Variants in NR6A1 observed in about 807,000 individuals in gnomAD.
NR6A1 encodes the protein nuclear receptor subfamily 6 group A member 1.
Under a neutral mutation model 59.1 loss-of-function variants are expected in NR6A1, and 7 were observed. The ratio of observed to expected loss-of-function variants is 0.12; its 90% CI spans 0.07 to 0.22. The LOEUF is 0.22. Ranked by LOEUF, NR6A1 falls within the 10% of genes least tolerant of loss-of-function variation. The pLI is 1.00. For missense variants in NR6A1, 468 were observed against 611.6 expected, an observed-to-expected ratio of 0.77 and a Z score of 2.48; for synonymous variants, 243 against 236.1, an observed-to-expected ratio of 1.03 and a Z score of -0.27.
chr9:124,594,735 T>C (rs1331947335), intron 2 of NR6A1, among the ~76,000 whole-genome samples: 3 of 152,158 alleles, frequency 2.0e-5, no homozygotes, highest in Admixed American at 1.3e-4. Context: ...AAGGGAGGAA[T>C]GAAGCCAAGG....
chr9:124,672,864 T>C (rs1332984797), intron 2 of NR6A1, among the ~76,000 whole-genome samples: 1 of 152,044 alleles, frequency 6.6e-6, no homozygotes, highest in Non-Finnish European at 1.5e-5. Flanking sequence ...GCAGACTTAA[T>C]GAATCTTAGT....
intron 1 of NR6A1, among the ~76,000 whole-genome samples, chr9:124,746,513 C>T (rs557667763): frequency 6.6e-6 from 1 of 152,070 alleles, no homozygotes; most frequent in South Asian, 2.1e-4. Context: ...CACTTGAACC[C>T]GGGAGGCAAA....
chr9:124,721,040 T>C (rs1046886881), intron 2 of NR6A1, among the ~76,000 whole-genome samples: 15 of 152,202 alleles, frequency 9.9e-5, no homozygotes, highest in African/African-American at 3.1e-4. Flanking sequence ...TACTGCAATA[T>C]TGCTCCCATG....
chr9:124,583,802 T>C (rs1834841408), intron 2 of NR6A1, among the ~76,000 whole-genome samples: 1 of 152,162 alleles, frequency 6.6e-6, no homozygotes, highest in Non-Finnish European at 1.5e-5. Flanking sequence ...GAGTGAGGCC[T>C]AACCTGATAG....
At position 124,718,151 on chromosome 9, in the gene NR6A1, G is replaced by C. The variant is rs138857519; in HGVS notation, c.142+15157C>G. On this transcript the variant is annotated intron_variant, in intron 2 of 9. Transcript: ENST00000487099. ...AGCAAGAAAGCAGGAAGGCCAGGAT[G>C]CTAACTTTCACTCATGTTTTTTCCA... Among the ~76,000 whole-genome samples, 460 of 152,330 alleles carry C rather than the reference G, an allele frequency of 3.0e-3. 3 individuals are homozygous for C. The highest frequency in any genetic ancestry group is 0.011 in the African/African-American group (441 of 41,568).
At chr9:124,692,476 A>C (rs1838584348) in intron 2 of NR6A1, 1 of 532,482 alleles carries the variant, frequency 1.9e-6, no homozygotes, top group Non-Finnish European at 3.9e-6. Context: ...AGAGGACTCC[A>C]AGGAACATTC....
At chr9:124,537,737 A>C (rs1354403557) in intron 6 of NR6A1, among the ~76,000 whole-genome samples, 2 of 152,056 alleles carry the variant, frequency 1.3e-5, no homozygotes, top group African/African-American at 2.4e-5. Context: ...GGGCTTTGTG[A>C]AGGAGCCTAT....
At chr9:124,633,597 T>C (rs1453761681) in intron 2 of NR6A1, among the ~76,000 whole-genome samples, 1 of 152,158 alleles carries the variant, frequency 6.6e-6, no homozygotes, top group East Asian at 1.9e-4. Flanking sequence ...CCCCTGGTAC[T>C]GTCACCAGCC....
chr9:124,698,349 C>A (rs1206008060), intron 2 of NR6A1: 4 of 152,036 alleles, frequency 2.6e-5, no homozygotes, highest in African/African-American at 9.7e-5. Context: ...GGCTGAAAAT[C>A]AGATGGAAGA....
chr9:124,637,261 GT>G (rs917140264), intron 2 of NR6A1, among the ~76,000 whole-genome samples: 2 of 152,170 alleles, frequency 1.3e-5, no homozygotes, highest in Admixed American at 1.3e-4. Context: ...ATTAGTAATT[GT>G]GTGTAGCTAG....
rs781348492 is a variant in NR6A1, at chr9:124,538,235, C to T, written c.681G>A (p.Pro227=). The change falls in exon 6 of 10, where the codon CCG becomes CCA. Residue 227 remains proline (P), a synonymous_variant. Coordinates refer to ENST00000487099, the MANE Select transcript of NR6A1 (RefSeq NM_033334.4). Reference sequence around the variant, plus strand: ...AGTGGCCAGAATAGCTAAAAAGGTGCGGTATATATTGGTAATGTGGAGGCA... The same window carrying T: ...AGTGGCCAGAATAGCTAAAAAGGTGTGGTATATATTGGTAATGTGGAGGCA... ...MSVPPHYQYI[P]HLFSYSGHSP... The T allele has an allele frequency of 2.0e-5, 33 of 1,614,048 alleles. No homozygotes were observed. The highest frequency in any genetic ancestry group is 4.0e-5 in the African/African-American group (3 of 74,988).
chr9:124,593,739 G>T (rs890994907), intron 2 of NR6A1, among the ~76,000 whole-genome samples: 1 of 152,168 alleles, frequency 6.6e-6, no homozygotes, highest in Non-Finnish European at 1.5e-5. Context: ...GCCAGGCAGG[G>T]GCTGTGCACA....
At chr9:124,753,468 T>C (rs983811750) in intron 1 of NR6A1, among the ~76,000 whole-genome samples, 1 of 152,078 alleles carries the variant, frequency 6.6e-6, no homozygotes, top group African/African-American at 2.4e-5. Context: ...TATTAGAAAA[T>C]GACAAAAATC....
At chr9:124,583,479 C>T (rs1027369356) in intron 2 of NR6A1, among the ~76,000 whole-genome samples, 1 of 152,172 alleles carries the variant, frequency 6.6e-6, no homozygotes, top group Non-Finnish European at 1.5e-5. Context: ...CAGAACTGTG[C>T]TTGTGCTCCT....
intron 1 of NR6A1, among the ~76,000 whole-genome samples, chr9:124,748,864 CAAA>C (rs533825423): frequency 1.0e-4 from 7 of 66,902 alleles, no homozygotes; most frequent in Admixed American, 1.7e-4. Context: ...GACTCTGTCT[CAAA>C]AAAAAAAAAA....
At chr9:124,599,165 G>A (rs1835372768) in intron 2 of NR6A1, 1 of 569,792 alleles carries the variant, frequency 1.8e-6, no homozygotes. Context: ...CTCTTTGGCC[G>A]GGGGCGGTGG....
intron 2 of NR6A1, among the ~76,000 whole-genome samples, chr9:124,718,794 AATT>A (rs1283053978): frequency 2.7e-5 from 4 of 146,250 alleles, no homozygotes; most frequent in African/African-American, 7.5e-5. Flanking sequence ...ATTAAACTTA[AATT>A]GTTACCTTTT....
chr9:124,678,935 G>A (rs1838041371), intron 2 of NR6A1, among the ~76,000 whole-genome samples: 1 of 152,158 alleles, frequency 6.6e-6, no homozygotes, highest in Non-Finnish European at 1.5e-5. Context: ...AAGAAAAGCA[G>A]CTGGCCCCGG....
chr9:124,608,059 C>G (rs1835622156), intron 2 of NR6A1, among the ~76,000 whole-genome samples: 1 of 150,776 alleles, frequency 6.6e-6, no homozygotes, highest in Non-Finnish European at 1.5e-5. Flanking sequence ...GAGACAGTCT[C>G]AAAAAAATAA....
Sources: allele counts gnomAD v4.1 joint callset (sites outside exome capture counted in the v4.1 genomes callset), GRCh38; gene constraint gnomAD v4.1.1; transcripts MANE v1.5; gene names NCBI Gene and HGNC (gene_info 2026-07-23, HGNC 2026-07-21).